PDZRN4: variants seen among roughly 807,000 people sequenced by gnomAD.
The protein encoded by PDZRN4 is PDZ domain-containing RING finger protein 4.
Under a neutral mutation model 99.0 loss-of-function variants are expected in PDZRN4, and 70 were observed. That is an observed-to-expected ratio of 0.71 (90% CI 0.58 to 0.86). The LOEUF (loss-of-function observed/expected upper bound fraction) is 0.86, where lower values mean the gene tolerates loss of function less well. Among genes scored for constraint, PDZRN4 ranks in the 40% least tolerant of loss-of-function variants. The probability of loss-of-function intolerance (pLI) is 0.00; values close to 1 mark genes in which losing one functional copy is unlikely to be tolerated. For synonymous variants in PDZRN4, 551 were observed against 501.6 expected, an observed-to-expected ratio of 1.10 and a Z score of -1.32; for missense variants, 1,474 against 1,331.2, an observed-to-expected ratio of 1.11 and a Z score of -1.67.
chr12:41,480,034 T>C (rs1428137252), intron 3 of PDZRN4, among the ~76,000 whole-genome samples: 1 of 152,202 alleles, frequency 6.6e-6, no homozygotes, highest in Non-Finnish European at 1.5e-5. Flanking sequence ...TTTAAGTCTG[T>C]ATAATGCTCA....
chr12:41,349,529 A>G (rs745338488), intron 3 of PDZRN4, among the ~76,000 whole-genome samples: 2 of 151,930 alleles, frequency 1.3e-5, no homozygotes, highest in Non-Finnish European at 2.9e-5. Flanking sequence ...AATAAATATT[A>G]ATTTATTAGG....
chr12:41,267,925 G>T (rs1951289670), intron 3 of PDZRN4, among the ~76,000 whole-genome samples: 1 of 152,072 alleles, frequency 6.6e-6, no homozygotes, highest in African/African-American at 2.4e-5. Context: ...TAAAGAAAAA[G>T]AATCCTAACA....
intron 1 of PDZRN4, among the ~76,000 whole-genome samples, chr12:41,190,383 G>A (rs1455206624): frequency 6.6e-6 from 1 of 152,154 alleles, no homozygotes; most frequent in Non-Finnish European, 1.5e-5. Context: ...GGGAGGACCC[G>A]GGGAAAAGCA....
At chr12:41,266,378 T>C (rs2120845759) in intron 3 of PDZRN4, among the ~76,000 whole-genome samples, 1 of 152,220 alleles carries the variant, frequency 6.6e-6, no homozygotes, top group African/African-American at 2.4e-5. Context: ...TTTTTCCTCT[T>C]GGTATTGATA....
chr12:41,424,213 A>T lies in PDZRN4; in HGVS notation c.844-82243A>T, dbSNP rs183742360. Reference sequence around the variant, plus strand: ...TGCAGTTGCAATCTTAAGCCAGTTAAAATGCAAACTTCCTCTGAGAGTTCA... The same window carrying T: ...TGCAGTTGCAATCTTAAGCCAGTTATAATGCAAACTTCCTCTGAGAGTTCA... On this transcript the variant is annotated intron_variant, in intron 3 of 9. Coordinates refer to ENST00000402685, the MANE Select transcript of PDZRN4 (RefSeq NM_001164595.2). 3.9e-5 allele frequency among the ~76,000 whole-genome samples: 6 copies of T among 152,264 alleles called. No homozygotes were observed. The East Asian group carries it at 1.2e-3, about 29-fold the overall frequency.
intron 5 of PDZRN4, among the ~76,000 whole-genome samples, chr12:41,531,208 T>C (rs565910846): frequency 6.6e-6 from 1 of 152,088 alleles, no homozygotes; most frequent in Admixed American, 6.5e-5. Flanking sequence ...AAGGTTTTAT[T>C]GAGTGGAAGT....
chr12:41,506,711 A>T lies in PDZRN4; in HGVS notation c.1099A>T (p.Ser367Cys). 1.9e-6 allele frequency: 3 copies of T among 1,601,336 alleles called. No individual in the cohort carries two copies. The highest frequency in any genetic ancestry group is 2.6e-6 in the Non-Finnish European group (3 of 1,173,042). The change falls in exon 4 of 10, where the codon AGC (serine) becomes TGC (cysteine). Residue 367 changes from serine (S) to cysteine (C), a missense_variant and splice_region_variant. By Grantham distance (112) the Ser-to-Cys change is moderately radical. Transcript: ENST00000402685. ...PDICPFLLSD[S>C]CHSLHPMEHE... ...CATCTGTCCATTCCTGCTCTCAGAC[A>T]GGTATTTTTCTATCATTTCTTCCAA...
intron 3 of PDZRN4, among the ~76,000 whole-genome samples, chr12:41,323,379 A>C (rs968041767): frequency 1.3e-5 from 2 of 152,176 alleles, no homozygotes; most frequent in African/African-American, 4.8e-5. Context: ...TTACATTTAC[A>C]TAAGATCTTT....
intron 3 of PDZRN4, among the ~76,000 whole-genome samples, chr12:41,373,177 G>T (rs553367505): frequency 6.6e-6 from 1 of 152,072 alleles, no homozygotes; most frequent in Non-Finnish European, 1.5e-5. Context: ...GCAAACGGAG[G>T]CAGGGCAAGA....
chr12:41,217,431 T>C (rs17129130), intron 3 of PDZRN4, among the ~76,000 whole-genome samples: 11,318 of 152,052 alleles, frequency 0.074, 728 homozygotes, highest in East Asian at 0.16. Context: ...TCTAAGGCTT[T>C]CATCCATTAC....
rs575702322 is a variant in PDZRN4 at position 41,344,220 on chromosome 12, A to AT, written c.843+150040dup. Among the ~76,000 whole-genome samples, 259 of 151,980 alleles carry AT rather than the reference A, an allele frequency of 1.7e-3. 1 individual carries two copies. Among genetic ancestry groups the AT allele is most frequent in the African/African-American group, 5.6e-3 (233 of 41,462 alleles). ...TATATTTTCAACTTGACCTCATTAA[A>AT]TTTTTTTTCTCCTGTTTGTCATTGT... is the stretch of plus-strand genomic sequence containing the variant. On this transcript the variant is annotated intron_variant, in intron 3 of 9. Transcript: ENST00000402685.
At chr12:41,217,925 C>G (rs1950931872) in intron 3 of PDZRN4, among the ~76,000 whole-genome samples, 1 of 152,028 alleles carries the variant, frequency 6.6e-6, no homozygotes, top group Admixed American at 6.6e-5. Context: ...ATAAACTTCC[C>G]ACAGAGCACT....
At chr12:41,331,903 G>A (rs1458399893) in intron 3 of PDZRN4, among the ~76,000 whole-genome samples, 1 of 152,114 alleles carries the variant, frequency 6.6e-6, no homozygotes, top group Non-Finnish European at 1.5e-5. Context: ...TGAGATTTGG[G>A]TGAGGACACA....
chr12:41,265,528 G>T (rs1484396750), intron 3 of PDZRN4, among the ~76,000 whole-genome samples: 1 of 152,082 alleles, frequency 6.6e-6, no homozygotes, highest in Non-Finnish European at 1.5e-5. Flanking sequence ...AAAATATATT[G>T]CATCAAAAAA....
chr12:41,189,799 TTG>T (rs1184613245), intron 1 of PDZRN4, among the ~76,000 whole-genome samples: 1 of 151,904 alleles, frequency 6.6e-6, no homozygotes, highest in African/African-American at 2.4e-5. Flanking sequence ...GAGATTGAGA[TTG>T]TGTGTGTGCG....
At chr12:41,406,652 G>C (rs1952352664) in intron 3 of PDZRN4, among the ~76,000 whole-genome samples, 1 of 151,998 alleles carries the variant, frequency 6.6e-6, no homozygotes, top group South Asian at 2.1e-4. Flanking sequence ...CCAGCACTTT[G>C]GGAGGCCGAG....
Position 41,188,471 on chromosome 12 carries a change from G to C in PDZRN4, c.16G>C (p.Glu6Gln), listed in dbSNP as rs751951606. 6.3e-7 allele frequency: 1 copy of C among 1,590,836 alleles called. No homozygotes were observed. The highest frequency in any genetic ancestry group is 8.5e-7 in the Non-Finnish European group (1 of 1,176,274). Residue 6 changes from glutamate (E) to glutamine (Q), a missense_variant, in exon 1 of 10, where the codon GAG becomes CAG. By Grantham distance (29) the Glu-to-Gln change is conservative. Transcript: ENST00000402685. MGFALERFAEAVDPAL... is the reference protein window; with the variant it reads MGFALQRFAEAVDPAL... ...CATCCCTAACATGGGCTTTGCCCTG[G>C]AGCGCTTCGCAGAAGCCGTGGACCC...
chr12:41,377,077 A>G (rs1470381277), intron 3 of PDZRN4, among the ~76,000 whole-genome samples: 1 of 151,904 alleles, frequency 6.6e-6, no homozygotes, highest in South Asian at 2.1e-4. Flanking sequence ...TTTCTATTCC[A>G]TTGGTCTATG....
chr12:41,429,156 T>A (rs1055856599), intron 3 of PDZRN4, among the ~76,000 whole-genome samples: 12 of 152,188 alleles, frequency 7.9e-5, no homozygotes, highest in African/African-American at 2.9e-4. Flanking sequence ...GATATATATT[T>A]AGAGTCATCG....
Sources: gnomAD v4.1 joint callset for allele counts (sites outside exome capture counted in the v4.1 genomes callset) on GRCh38, gnomAD v4.1.1 for gene constraint, MANE v1.5 for transcripts, NCBI Gene and HGNC (gene_info 2026-07-23, HGNC 2026-07-21) for gene names.